The following NRBF2 variants were observed in gnomAD, a reference collection of about 807,000 sequenced individuals.
The protein encoded by NRBF2 is nuclear receptor binding factor 2, also known as nuclear receptor-binding factor 2.
In NRBF2, 12 loss-of-function variants were observed where a neutral mutation model predicts 28.5. The ratio of observed to expected loss-of-function variants is 0.42; its 90% confidence interval spans 0.27 to 0.68. The LOEUF (loss-of-function observed/expected upper bound fraction) is 0.68. NRBF2 is among the 30% of genes least tolerant of loss of function. The pLI, the probability that NRBF2 is intolerant of heterozygous loss-of-function variation, is 0.24. For synonymous variants in NRBF2, 102 were observed against 116.5 expected (o/e 0.88, Z 0.80); for missense variants, 274 against 333.5 (o/e 0.82, Z 1.39).
At position 63,136,262 on chromosome 10, in the gene NRBF2, G is replaced by C. The variant is rs189217802; in HGVS notation, c.30+2762G>C. ...GTTCTCTGCCTCAGCCTCCTGAGTA[G>C]CTGGGATTACAGGCATGCACCACCC... On this transcript the variant is annotated intron_variant, in intron 1 of 3. Transcript: ENST00000277746. 2.2e-4 allele frequency among the ~76,000 whole-genome samples: 34 copies of C among 151,984 alleles called. No individual in the cohort carries two copies. The East Asian group carries it at 6.2e-3, about 28-fold the overall frequency.
intron 1 of NRBF2, 98 bp downstream of exon 1, chr10:63,133,598 G>A (rs1841322773): frequency 2.1e-6 from 2 of 959,964 alleles, no homozygotes; most frequent in Admixed American, 2.0e-5. Flanking sequence ...AGGCTGGGAG[G>A]TTGGTTTGGC....
chr10:63,142,889 T>C (rs1274786645), intron 1 of NRBF2, among the ~76,000 whole-genome samples: 2 of 147,200 alleles, frequency 1.4e-5, no homozygotes, highest in East Asian at 4.2e-4. Flanking sequence ...CAAGCAATTC[T>C]TGTACCTCAG....
At chr10:63,135,832 A>G (rs937066961) in intron 1 of NRBF2, among the ~76,000 whole-genome samples, 4 of 151,972 alleles carry the variant, frequency 2.6e-5, no homozygotes, top group Non-Finnish European at 1.5e-5. Context: ...TTTTTAGTAG[A>G]GACGGGGTTT....
intron 1 of NRBF2, among the ~76,000 whole-genome samples, chr10:63,133,704 T>A (rs1302880015): frequency 6.6e-6 from 1 of 152,056 alleles, no homozygotes; most frequent in Non-Finnish European, 1.5e-5. Context: ...TCCTGGGGGA[T>A]CCCCGGGAAG....
intron 1 of NRBF2, among the ~76,000 whole-genome samples, chr10:63,138,775 T>A (rs544747297): frequency 6.6e-6 from 1 of 152,132 alleles, no homozygotes; most frequent in Non-Finnish European, 1.5e-5. Flanking sequence ...CCTGGAATTC[T>A]CCAACACTTG....
intron 1 of NRBF2, among the ~76,000 whole-genome samples, chr10:63,142,786 T>C (rs1841495863): frequency 7.8e-6 from 1 of 127,492 alleles, no homozygotes; most frequent in African/African-American, 3.1e-5. Flanking sequence ...CTTTCTTTTT[T>C]TTTTTTTTTT....
rs759753234 is a variant in NRBF2 at position 63,154,969 on chromosome 10, G to A, written c.*751G>A. ...TGTTTTTAATGATGCAAGAGTGGAC[G>A]TAATGCTAGTTGGCAGTATTTTATT... On this transcript the variant is annotated 3_prime_UTR_variant, in exon 4 of 4. Coordinates refer to ENST00000277746, the MANE Select transcript of NRBF2 (RefSeq NM_030759.5). 2 of 152,458 alleles carry A rather than the reference G, an allele frequency of 1.3e-5. No individual in the cohort carries two copies. Among genetic ancestry groups the A allele is most frequent in the African/African-American group, 2.4e-5 (1 of 41,454 alleles). 9.4% of individuals were successfully genotyped at this position (152,458 alleles called of 1,614,324 possible).
At chr10:63,135,384 T>G (rs1841359464) in intron 1 of NRBF2, among the ~76,000 whole-genome samples, 2 of 152,184 alleles carry the variant, frequency 1.3e-5, no homozygotes, top group Non-Finnish European at 2.9e-5. Context: ...TCACATTATT[T>G]GGCTGCAGAA....
intron 3 of NRBF2, among the ~76,000 whole-genome samples, chr10:63,152,626 A>G (rs1841667495): frequency 1.3e-5 from 2 of 152,220 alleles, no homozygotes; most frequent in African/African-American, 4.8e-5. Context: ...CAGTTCAGGC[A>G]CTTTTAAATT....
chr10:63,137,983 A>G (rs1021185393), intron 1 of NRBF2, among the ~76,000 whole-genome samples: 6 of 152,082 alleles, frequency 3.9e-5, no homozygotes, highest in Non-Finnish European at 1.5e-5. Context: ...TATTCCCCCT[A>G]TTTTAAAGAT....
At chr10:63,138,698 C>T (rs1029190204) in intron 1 of NRBF2, among the ~76,000 whole-genome samples, 4 of 148,926 alleles carry the variant, frequency 2.7e-5, no homozygotes, top group African/African-American at 7.4e-5. Flanking sequence ...GAGCCAAGAT[C>T]GCACCACTGC....
rs34823556 is a variant in NRBF2 at position 63,145,101 on chromosome 10, CTTTTTTTTTTTT to C, written c.31-1096_31-1085del. ...GCAGCTGAAATAATGTATATTAAAG[CTTTTTTTTTTTT>C]TTTTTTTTTTTGAGATGGAGTTTCA... On this transcript the variant is annotated intron_variant, in intron 1 of 3. Coordinates refer to ENST00000277746, the MANE Select transcript of NRBF2 (RefSeq NM_030759.5). Among the ~76,000 whole-genome samples the C allele has an allele frequency of 2.9e-4, 25 of 85,904 alleles. No homozygotes were observed. The South Asian group carries it at 5.7e-3, about 20-fold the overall frequency. 56.4% of individuals were successfully genotyped at this position (85,904 alleles called of 152,430 possible). A position where few individuals can be genotyped will look rare whatever the true frequency, so the allele number is the denominator to read the frequency against.
In NRBF2 at chr10:63,147,321, A is replaced by AT. The variant is rs200520684; in HGVS notation, c.115+1043dup. The stretch of plus-strand genomic sequence containing the variant: ...TTGGTAATTTTCAGAGAAAATTAAA[A>AT]TTTTTTTTTTTTTTTGGAGATGGAG... On this transcript the variant is annotated intron_variant, in intron 2 of 3. Coordinates refer to ENST00000277746, the MANE Select transcript of NRBF2 (RefSeq NM_030759.5). 4.3e-3 allele frequency among the ~76,000 whole-genome samples: 631 copies of AT among 145,962 alleles called. 3 individuals are homozygous for AT. Among genetic ancestry groups the AT allele is most frequent in the Middle Eastern group, 0.018 (5 of 282 alleles).
chr10:63,138,025 A>G (rs990554125), intron 1 of NRBF2, among the ~76,000 whole-genome samples: 5 of 152,162 alleles, frequency 3.3e-5, no homozygotes, highest in Non-Finnish European at 5.9e-5. Flanking sequence ...AAGTGGTGAT[A>G]GTAGGATATG....
At chr10:63,145,653 T>G (rs1359043005) in intron 1 of NRBF2, among the ~76,000 whole-genome samples, 1 of 152,252 alleles carries the variant, frequency 6.6e-6, no homozygotes, top group African/African-American at 2.4e-5. Flanking sequence ...AAACAATCTT[T>G]GTAATATTAG....
chr10:63,150,408 T>C, intron 2 of NRBF2: 3 of 455,686 alleles, frequency 6.6e-6, no homozygotes, highest in African/African-American at 2.4e-5. Flanking sequence ...TTTTCTTTCC[T>C]TTTTTTTTTT....
At position 63,134,205 on chromosome 10, in the gene NRBF2, C is replaced by T. The variant is rs1031482902; in HGVS notation, c.30+705C>T. On this transcript the variant is annotated intron_variant, in intron 1 of 3. Transcript: ENST00000277746. Reference sequence around the variant, plus strand: ...AGGAAAATGGCTGATAGCCTGTTTACTTGTGTTTTAAGGCGTTTCAGGTGT... The same window carrying T: ...AGGAAAATGGCTGATAGCCTGTTTATTTGTGTTTTAAGGCGTTTCAGGTGT... Among the ~76,000 whole-genome samples, 4 of 152,098 alleles carry T rather than the reference C, an allele frequency of 2.6e-5. No homozygotes were observed. In the South Asian group the frequency reaches 8.3e-4, roughly 31 times the overall value.
At chr10:63,147,690 G>A (rs1564531022) in intron 2 of NRBF2, among the ~76,000 whole-genome samples, 1 of 151,076 alleles carries the variant, frequency 6.6e-6, no homozygotes, top group Non-Finnish European at 1.5e-5. Context: ...ACGTGCCATG[G>A]TGGTTTGCTG....
chr10:63,134,233 C>G (rs574440374), intron 1 of NRBF2, among the ~76,000 whole-genome samples: 2 of 152,144 alleles, frequency 1.3e-5, no homozygotes, highest in Non-Finnish European at 2.9e-5. Flanking sequence ...TCAGGTGTTG[C>G]AATTAAAAAA....
Sources: allele counts gnomAD v4.1 joint callset (sites outside exome capture counted in the v4.1 genomes callset), GRCh38; gene constraint gnomAD v4.1.1; transcripts MANE v1.5; gene names NCBI Gene and HGNC (gene_info 2026-07-23, HGNC 2026-07-21).